The following ITPR1 variants were observed in gnomAD, a reference collection of about 807,000 sequenced individuals.
The protein encoded by ITPR1 is inositol 1,4,5-trisphosphate-gated calcium channel ITPR1.
Under a neutral mutation model 318.4 loss-of-function variants are expected in ITPR1, and 96 were observed. The ratio of observed to expected loss-of-function variants is 0.30; its 90% confidence interval spans 0.26 to 0.36. The LOEUF (loss-of-function observed/expected upper bound fraction) is 0.36. Among genes scored for constraint, ITPR1 ranks in the 10% least tolerant of loss-of-function variants. The pLI, the probability that ITPR1 is intolerant of heterozygous loss-of-function variation, is 1.00. For synonymous variants in ITPR1, 1,312 were observed against 1,289.9 expected (o/e 1.02, Z -0.37); for missense variants, 2,440 against 3,460.2 (o/e 0.71, Z 7.40).
intron 33 of ITPR1, among the ~76,000 whole-genome samples, chr3:4,694,655 C>G (rs936836520): frequency 6.6e-6 from 1 of 152,154 alleles, no homozygotes; most frequent in Admixed American, 6.5e-5. Context: ...ATGTGACTGT[C>G]TCAGTACCGA....
chr3:4,605,651 G>C (rs1029167157), intron 4 of ITPR1, among the ~76,000 whole-genome samples: 10 of 152,142 alleles, frequency 6.6e-5, no homozygotes, highest in Admixed American at 3.9e-4. Context: ...TGTGTAAAAG[G>C]TTAGCAAAAG....
chr3:4,565,708 T>C (rs2087165979), intron 4 of ITPR1, among the ~76,000 whole-genome samples: 1 of 152,226 alleles, frequency 6.6e-6, no homozygotes, highest in Non-Finnish European at 1.5e-5. Flanking sequence ...GATTGGATTC[T>C]GCAAACAATT....
At chr3:4,616,089 C>G (rs577792625) in intron 4 of ITPR1, among the ~76,000 whole-genome samples, 1 of 152,336 alleles carries the variant, frequency 6.6e-6, no homozygotes, top group African/African-American at 2.4e-5. Flanking sequence ...TAGCATGCAG[C>G]AGACACAACA....
intron 9 of ITPR1, 46 bp downstream of exon 9, chr3:4,645,516 G>A (rs1200352771): frequency 6.2e-7 from 1 of 1,605,922 alleles, no homozygotes; most frequent in Non-Finnish European, 8.5e-7. Context: ...GCTCTTCTTG[G>A]GGGCAGCAGT....
intron 26 of ITPR1, among the ~76,000 whole-genome samples, 186 bp downstream of exon 26, chr3:4,681,604 T>C (rs1396694273): frequency 1.0e-5 from 1 of 99,238 alleles, no homozygotes. Context: ...AGAGAGAGAG[T>C]GAGAGAGAGA....
intron 24 of ITPR1, among the ~76,000 whole-genome samples, chr3:4,679,087 G>A (rs1191759961): frequency 6.6e-6 from 1 of 152,128 alleles, no homozygotes; most frequent in African/African-American, 2.4e-5. Flanking sequence ...GGCAGTAGGG[G>A]AGAACTCTAT....
chr3:4,838,348 G>C (rs1041313196), intron 61 of ITPR1, among the ~76,000 whole-genome samples: 1 of 147,208 alleles, frequency 6.8e-6, no homozygotes, highest in African/African-American at 2.5e-5. Context: ...CCCGCCCCCC[G>C]CCGTGAAACA....
At chr3:4,570,290 C>G (rs1287610742) in intron 4 of ITPR1, among the ~76,000 whole-genome samples, 2 of 152,122 alleles carry the variant, frequency 1.3e-5, no homozygotes, top group African/African-American at 4.8e-5. Context: ...CATAAAATAG[C>G]CATTTCTGTG....
chr3:4,815,018 G>A lies in ITPR1; in HGVS notation c.7702-35G>A, dbSNP rs1242055350. The stretch of plus-strand genomic sequence containing the variant: ...GCTCCGCAGACCAAAGGGTCGCAAG[G>A]GACCCAGACTGATCCAGACACCTCT... On this transcript the variant is annotated intron_variant, in intron 58 of 61. Coordinates refer to ENST00000649015, the MANE Select transcript of ITPR1 (RefSeq NM_001378452.1). 8 of 1,571,932 alleles carry A rather than the reference G, an allele frequency of 5.1e-6. No homozygotes were observed. The Admixed American group carries it at 1.4e-4, about 28-fold the overall frequency.
intron 30 of ITPR1, among the ~76,000 whole-genome samples, chr3:4,686,113 C>T (rs1054844481): frequency 4.6e-5 from 7 of 152,138 alleles, no homozygotes; most frequent in African/African-American, 1.7e-4. Context: ...TATCTTTAGC[C>T]CCATTTTAGA....
chr3:4,639,290 C>G, intron 5 of ITPR1, 94 bp from the exon 6 acceptor site: 1 of 937,658 alleles, frequency 1.1e-6, no homozygotes, highest in Non-Finnish European at 1.7e-6. Context: ...TTCGGTGGTT[C>G]TTGTATGAAC....
chr3:4,627,974 C>A, intron 5 of ITPR1, 96 bp downstream of exon 5: 1 of 685,680 alleles, frequency 1.5e-6, no homozygotes, highest in Non-Finnish European at 2.4e-6. Flanking sequence ...TGCAACCCTC[C>A]AATTCTAGCA....
intron 59 of ITPR1, 91 bp downstream of exon 59, chr3:4,815,309 C>A (rs6442911): frequency 6.5e-5 from 84 of 1,282,682 alleles, no homozygotes; most frequent in Non-Finnish European, 5.4e-5. Context: ...GGCGGGGTGC[C>A]TGCCCAGTTA....
Position 4,818,174 on chromosome 3 carries a change from G to T in ITPR1, c.7960G>T (p.Val2654Phe). ...HNMWHYLCFI[V>F]LVKVKDSTEY... ...CATGTGGCACTATCTGTGCTTCATC[G>T]TCCTGGTGAAAGTAAAGGACTCCAC... is the stretch of plus-strand genomic sequence containing the variant. Residue 2654 changes from valine to phenylalanine, a missense_variant, in exon 60 of 62, where the codon GTC becomes TTC. Around this residue, in one of 23 missense-constraint regions of ITPR1, gnomAD observed 72 missense variants for 197.7 expected, o/e 0.36. Coordinates refer to ENST00000649015, the MANE Select transcript of ITPR1 (RefSeq NM_001378452.1). 6.2e-7 allele frequency: 1 copy of T among 1,604,706 alleles called. No homozygotes were observed. The highest frequency in any genetic ancestry group is 1.1e-5 in the South Asian group (1 of 90,580).
chr3:4,744,904 CCTTCCTTCCT>C (rs2043971545), intron 44 of ITPR1, among the ~76,000 whole-genome samples: 13 of 4,528 alleles, frequency 2.9e-3, no homozygotes, highest in African/African-American at 6.0e-3. Context: ...CTCCCTCCTT[CCTTCCTTCCT>C]TCCTTCCTTC....
chr3:4,554,184 C>A (rs2085879447), intron 4 of ITPR1, among the ~76,000 whole-genome samples: 1 of 152,222 alleles, frequency 6.6e-6, no homozygotes, highest in African/African-American at 2.4e-5. Context: ...AAGTATCTTG[C>A]CCAAGGTAAC....
At chr3:4,772,456 C>G (rs888392214) in intron 46 of ITPR1, among the ~76,000 whole-genome samples, 1 of 152,270 alleles carries the variant, frequency 6.6e-6, no homozygotes, top group Admixed American at 6.5e-5. Flanking sequence ...CTGCCTTAAG[C>G]AAGCCTTGTT....
At chr3:4,679,236 T>C (rs766278912) in intron 24 of ITPR1, among the ~76,000 whole-genome samples, 2 of 152,246 alleles carry the variant, frequency 1.3e-5, no homozygotes. Flanking sequence ...ACTGACAATG[T>C]TAGTGTGTTA....
chr3:4,632,152 TG>T (rs768102340), intron 5 of ITPR1, among the ~76,000 whole-genome samples: 13 of 152,304 alleles, frequency 8.5e-5, no homozygotes, highest in Middle Eastern at 3.4e-3. Context: ...GCTGGGAACA[TG>T]GGAATCTAGT....
Sources: gnomAD v4.1 joint callset for allele counts (sites outside exome capture counted in the v4.1 genomes callset) on GRCh38, gnomAD v4.1.1 for gene constraint, gnomAD v4.1.1 regional missense constraint, MANE v1.5 for transcripts, NCBI Gene and HGNC (gene_info 2026-07-23, HGNC 2026-07-21) for gene names.